The following NEK10 variants were observed in gnomAD, a reference collection of about 807,000 sequenced individuals.
The protein encoded by NEK10 is NIMA related kinase 10, also known as serine/threonine-protein kinase Nek10.
In NEK10, 122 loss-of-function variants were observed where a neutral mutation model predicts 159.8. The ratio of observed to expected loss-of-function variants is 0.76; its 90% CI spans 0.66 to 0.89. The LOEUF (loss-of-function observed/expected upper bound fraction) is 0.89. NEK10 is among the 40% of genes least tolerant of loss of function. The probability of loss-of-function intolerance (pLI) is 0.00; values close to 1 mark genes in which losing one functional copy is unlikely to be tolerated. For missense variants in NEK10, 1,342 were observed against 1,323.1 expected (o/e 1.01, Z -0.22); for synonymous variants, 466 against 457.1 (o/e 1.02, Z -0.25).
At chr3:27,195,155 A>T (rs1949454528) in intron 25 of NEK10, among the ~76,000 whole-genome samples, 2 of 152,218 alleles carry the variant, frequency 1.3e-5, no homozygotes, top group African/African-American at 4.8e-5. Flanking sequence ...AAACAATATA[A>T]TTTTTAGGAA....
Position 27,293,610 on chromosome 3 carries a change from T to C in NEK10, c.1351A>G (p.Arg451Gly). The C allele has an allele frequency of 1.3e-6, 2 of 1,577,246 alleles. No homozygotes were observed. Among genetic ancestry groups the C allele is most frequent in the Non-Finnish European group, 1.7e-6 (2 of 1,149,082 alleles). ...RALRFLFSME[R>G]NRPLFKRLFP... ...TACCTTTTAAAGAGTGGTCTGTTTCTTTCCATACTGAAGAGAAATCTCAAG... is the reference window on the plus strand; with the variant it reads ...TACCTTTTAAAGAGTGGTCTGTTTCCTTCCATACTGAAGAGAAATCTCAAG... Residue 451 changes from arginine to glycine, a missense_variant, in exon 16 of 36, where the codon AGA (arginine) becomes GGA (glycine). Coordinates refer to ENST00000691995, the MANE Select transcript of NEK10 (RefSeq NM_001394966.1).
chr3:27,261,452 C>G (rs1334324531), intron 22 of NEK10, among the ~76,000 whole-genome samples: 1 of 152,156 alleles, frequency 6.6e-6, no homozygotes, highest in Non-Finnish European at 1.5e-5. Flanking sequence ...CAAAGAACAT[C>G]TTTATTTCTG....
intron 7 of NEK10, among the ~76,000 whole-genome samples, chr3:27,313,555 G>A (rs2044881392): frequency 6.6e-6 from 1 of 152,148 alleles, no homozygotes; most frequent in Non-Finnish European, 1.5e-5. Context: ...CTACTCAGGA[G>A]GCTGAAGCAG....
Position 27,213,540 on chromosome 3 carries a change from C to T in NEK10, c.2091-10983G>A, listed in dbSNP as rs893333684. 2.6e-5 allele frequency among the ~76,000 whole-genome samples: 4 copies of T among 152,066 alleles called. No homozygotes were observed. In the East Asian group the frequency reaches 7.7e-4, roughly 29 times the overall value. ...ATAAACCAAAACTAAAATTTTAAGC[C>T]CCTCGACCGAATCCATGGACCCATC... On this transcript the variant is annotated intron_variant, in intron 23 of 35. Transcript: ENST00000691995.
intron 25 of NEK10, among the ~76,000 whole-genome samples, chr3:27,199,505 G>A (rs776860374): frequency 6.6e-6 from 1 of 152,186 alleles, no homozygotes; most frequent in South Asian, 2.1e-4. Flanking sequence ...TGCACTGTTG[G>A]TGGGAGTGTA....
intron 35 of NEK10, among the ~76,000 whole-genome samples, chr3:27,114,933 C>A (rs73153161): frequency 0.079 from 11,939 of 152,070 alleles, 1,537 homozygotes; most frequent in African/African-American, 0.27. Flanking sequence ...ACACCCATAC[C>A]CCTATCTATT....
intron 22 of NEK10, among the ~76,000 whole-genome samples, chr3:27,260,276 G>C (rs899441904): frequency 1.3e-5 from 2 of 152,166 alleles, no homozygotes; most frequent in African/African-American, 4.8e-5. Context: ...AGTGGTGAGA[G>C]AGGGCGTCCC....
intron 5 of NEK10, among the ~76,000 whole-genome samples, chr3:27,343,958 G>A (rs377166173): frequency 5.9e-5 from 9 of 152,160 alleles, no homozygotes; most frequent in African/African-American, 1.4e-4. Context: ...AATGTTGTCC[G>A]TGGTGTTGTC....
chr3:27,256,910 C>CCCTTTT, intron 22 of NEK10, among the ~76,000 whole-genome samples: 1 of 137,152 alleles, frequency 7.3e-6, no homozygotes, highest in South Asian at 2.3e-4. Flanking sequence ...TCTTTTTTCT[C>CCCTTTT]TCTTTTTTTT....
intron 26 of NEK10, among the ~76,000 whole-genome samples, chr3:27,183,396 CA>C (rs35114572): frequency 1.2e-4 from 17 of 137,552 alleles, no homozygotes; most frequent in South Asian, 2.3e-4. Flanking sequence ...CCCAAATGAC[CA>C]AAAAAAAAAA....
intron 35 of NEK10, among the ~76,000 whole-genome samples, chr3:27,115,541 TTGTCCCTAGCCTTC>T (rs1940274895): frequency 1.3e-5 from 2 of 152,306 alleles, no homozygotes; most frequent in South Asian, 4.1e-4. Flanking sequence ...CAGTTGCACT[TTGTCCCTAGCCTTC>T]TGTGCAAATA....
intron 13 of NEK10, among the ~76,000 whole-genome samples, chr3:27,297,653 G>T (rs563368193): frequency 6.6e-6 from 1 of 152,192 alleles, no homozygotes; most frequent in South Asian, 2.1e-4. Flanking sequence ...CTTATAATAA[G>T]AGTATGCACT....
chr3:27,325,393 C>A (rs2045936442), intron 5 of NEK10, among the ~76,000 whole-genome samples: 2 of 152,298 alleles, frequency 1.3e-5, no homozygotes, highest in South Asian at 2.1e-4. Flanking sequence ...TAAAGATCTG[C>A]CCCCTTGTCA....
intron 26 of NEK10, among the ~76,000 whole-genome samples, chr3:27,176,440 A>G (rs1449608132): frequency 6.6e-6 from 1 of 152,220 alleles, no homozygotes; most frequent in African/African-American, 2.4e-5. Context: ...CAAAAGATAT[A>G]TGCTACTCAG....
At chr3:27,210,749 T>C (rs1575267564) in intron 23 of NEK10, among the ~76,000 whole-genome samples, 3 of 152,350 alleles carry the variant, frequency 2.0e-5, no homozygotes, top group Admixed American at 6.5e-5. Flanking sequence ...ATTTGTTTTA[T>C]AGACTCAAAT....
intron 22 of NEK10, among the ~76,000 whole-genome samples, chr3:27,269,974 TC>T (rs1485765222): frequency 1.3e-5 from 2 of 152,216 alleles, no homozygotes; most frequent in Non-Finnish European, 2.9e-5. Flanking sequence ...TCTCATCACC[TC>T]CACTGAAGTT....
intron 19 of NEK10, 150 bp from the exon 20 acceptor site, chr3:27,287,893 ATTG>A: frequency 1.1e-6 from 1 of 918,664 alleles, no homozygotes; most frequent in Non-Finnish European, 1.5e-6. Flanking sequence ...TCGAACTGAG[ATTG>A]TTGTGATTTT....
intron 14 of NEK10, among the ~76,000 whole-genome samples, chr3:27,296,071 A>G (rs1290946770): frequency 6.6e-6 from 1 of 152,172 alleles, no homozygotes; most frequent in Admixed American, 6.5e-5. Context: ...AAAGGGAGAA[A>G]TTATATTCCA....
rs150189483 is a variant in NEK10 at position 27,220,310 on chromosome 3, C to T, written c.2091-17753G>A. 1.6e-3 allele frequency among the ~76,000 whole-genome samples: 248 copies of T among 152,276 alleles called. 1 individual carries two copies. Among genetic ancestry groups the T allele is most frequent in the African/African-American group, 5.7e-3 (236 of 41,546 alleles). ...TCTGGGAGAGAATCTATTTCCTTGC[C>T]TTTTTCCAGCTTCTAGAGACTGCCC... On this transcript the variant is annotated intron_variant, in intron 23 of 35. Coordinates refer to ENST00000691995, the MANE Select transcript of NEK10 (RefSeq NM_001394966.1).
Sources: allele counts gnomAD v4.1 joint callset (sites outside exome capture counted in the v4.1 genomes callset), GRCh38; gene constraint gnomAD v4.1.1; transcripts MANE v1.5; gene names NCBI Gene and HGNC (gene_info 2026-07-23, HGNC 2026-07-21).